Variants in ERAP1 observed in about 807,000 individuals in gnomAD.
ERAP1 encodes the protein endoplasmic reticulum aminopeptidase 1, also known as adipocyte-derived leucine aminopeptidase.
Under a neutral mutation model 103.7 loss-of-function variants are expected in ERAP1, and 86 were observed. The observed-to-expected ratio is 0.83, with a 90% CI of 0.70 to 0.99. The LOEUF (loss-of-function observed/expected upper bound fraction) is 0.99. Ranked by LOEUF, ERAP1 falls within the 50% of genes least tolerant of loss-of-function variation. The probability of loss-of-function intolerance (pLI) is 0.00; values close to 1 mark genes in which losing one functional copy is unlikely to be tolerated. For synonymous variants in ERAP1, 398 were observed against 402.4 expected (o/e 0.99, Z 0.13); for missense variants, 1,009 against 1,128.4 (o/e 0.89, Z 1.52).
downstream of ERAP1, chr5:96,774,179 G>GA (rs146386024): frequency 0.012 from 1,863 of 153,828 alleles, 34 homozygotes; most frequent in African/African-American, 0.043. Flanking sequence ...CTTTTTTTAA[G>GA]AAAAACCTTG....
the ERAP1 span, among the ~76,000 whole-genome samples, chr5:96,828,323 T>C: frequency 2.0e-5 from 3 of 152,252 alleles, no homozygotes; most frequent in South Asian, 2.1e-4. Flanking sequence ...CCAACGTAAA[T>C]GAATTACTAA....
the ERAP1 span, among the ~76,000 whole-genome samples, chr5:96,932,173 A>G: frequency 6.6e-6 from 1 of 152,200 alleles, no homozygotes; most frequent in Non-Finnish European, 1.5e-5. Context: ...GTATGCTACA[A>G]ATGGGTTACA....
At chr5:96,865,980 T>C in the ERAP1 span, among the ~76,000 whole-genome samples, 1 of 152,250 alleles carries the variant, frequency 6.6e-6, no homozygotes, top group Admixed American at 6.5e-5. Context: ...GTATGTTCTA[T>C]ACAAGATCGC....
At chr5:96,763,666 AT>A (rs1409026306) in intron 19 of ERAP1, among the ~76,000 whole-genome samples, 1 of 152,232 alleles carries the variant, frequency 6.6e-6, no homozygotes, top group Non-Finnish European at 1.5e-5. Context: ...TTAGATAAAA[AT>A]ATTAGGAAAT....
intron 19 of ERAP1, chr5:96,767,880 T>A: frequency 6.7e-7 from 1 of 1,490,710 alleles, no homozygotes. Flanking sequence ...GCTTCTTCAC[T>A]GATGGTTATT....
chr5:96,762,350 G>C lies in ERAP1; in HGVS notation c.*850C>G, dbSNP rs780797475. ...ACCCCAGCTTCAACGACCCAAGCTG[G>C]AGCCCCACCCCGTGATACCTCGGTA... is the stretch of plus-strand genomic sequence containing the variant. On this transcript the variant is annotated 3_prime_UTR_variant, in exon 20 of 20. Transcript: ENST00000296754. The C allele has an allele frequency of 2.5e-6, 4 of 1,603,190 alleles. No homozygotes were observed. The African/African-American group carries it at 5.4e-5, about 22-fold the overall frequency.
intron 8 of ERAP1, among the ~76,000 whole-genome samples, 173 bp from the exon 9 acceptor site, chr5:96,790,816 CA>C (rs1776649278): frequency 1.3e-5 from 2 of 152,290 alleles, no homozygotes; most frequent in South Asian, 4.1e-4. Context: ...CCTGTTTAGG[CA>C]GGAGATTTGT....
chr5:96,762,606 A>G (rs946587286), exon 20 of ERAP1: 2 of 422,066 alleles, frequency 4.7e-6, no homozygotes, highest in Non-Finnish European at 8.4e-6. Flanking sequence ...AAGGACCTTA[A>G]TATTATTGTT....
At chr5:96,764,535 C>CT (rs1769136782) in intron 19 of ERAP1, among the ~76,000 whole-genome samples, 1 of 152,196 alleles carries the variant, frequency 6.6e-6, no homozygotes, top group Non-Finnish European at 1.5e-5. Context: ...TCTCTGAAGT[C>CT]TTTCAGGGCA....
At chr5:96,844,954 G>A in the ERAP1 span, among the ~76,000 whole-genome samples, 1 of 152,296 alleles carries the variant, frequency 6.6e-6, no homozygotes, top group East Asian at 1.9e-4. Flanking sequence ...AACAAATTGG[G>A]TGAGAAAAAT....
Position 96,793,469 on chromosome 5 carries a change from C to T in ERAP1, c.1119G>A (p.Trp373Ter). The T allele has an allele frequency of 6.2e-7, 1 of 1,613,898 alleles. No homozygotes were observed. The highest frequency in any genetic ancestry group is 8.5e-7 in the Non-Finnish European group (1 of 1,179,892). The change falls in exon 7 of 19, where the codon TGG becomes TGA. Residue 373 changes from tryptophan to a stop codon, truncating the protein, a stop_gained. Coordinates refer to ENST00000443439, the MANE Select transcript of ERAP1 (RefSeq NM_001040458.3). LOFTEE classifies it high-confidence loss of function. ...TAAATTTGGCAAATCCTTCATTTAGCCAAAGATCATTCCACCATTCCATAG... is the reference window on the plus strand; with the variant it reads ...TAAATTTGGCAAATCCTTCATTTAGTCAAAGATCATTCCACCATTCCATAG... ...LVTMEWWNDL[W>*]LNEGFAKFME...
rs59338324 is a variant in ERAP1, at chr5:96,765,327, TAAAAAAA to T, written c.2819-2106_2819-2100del. 1,983 of 510,242 alleles carry T rather than the reference TAAAAAAA, an allele frequency of 3.9e-3. 1 individual carries two copies. The highest frequency in any genetic ancestry group is 6.1e-3 in the Admixed American group (137 of 22,640). 31.6% of individuals were successfully genotyped at this position (510,242 alleles called of 1,614,324 possible). A position where few individuals can be genotyped will look rare whatever the true frequency, so the allele number is the denominator to read the frequency against. On this transcript the variant is annotated intron_variant, in intron 19 of 19. Transcript: ENST00000296754. ...AAACCAATGGAAGATAAAGTAAAGGTAAAAAAAAAAAAAAAAAAAAAAAAAATTCACT... is the reference window on the plus strand; with the variant it reads ...AAACCAATGGAAGATAAAGTAAAGGTAAAAAAAAAAAAAAAAAAATTCACT...
At chr5:96,909,470 GAA>G in the ERAP1 span, 2 of 819,252 alleles carry the variant, frequency 2.4e-6, no homozygotes, top group Non-Finnish European at 4.0e-6. Context: ...ACTGTTTGGG[GAA>G]AGATTGGGAA....
chr5:96,775,441 A>AAATC lies in ERAP1; in HGVS notation c.*951_*954dup, dbSNP rs948457991. On this transcript the variant is annotated 3_prime_UTR_variant, in exon 19 of 19. Transcript: ENST00000443439. ...CAAATAAGAAGCAGAGAGAGAAAAA[A>AAATC]AATCACCTCCCTAAGAAAAGGGTTT... 1 of 985,484 alleles carries AAATC rather than the reference A, an allele frequency of 1.0e-6. No homozygotes were observed. Among genetic ancestry groups the AAATC allele is most frequent in the African/African-American group, 1.7e-5 (1 of 57,256 alleles). 61.0% of individuals were successfully genotyped at this position (985,484 alleles called of 1,614,324 possible).
chr5:96,865,262 T>C, the ERAP1 span, among the ~76,000 whole-genome samples: 2 of 152,176 alleles, frequency 1.3e-5, no homozygotes, highest in African/African-American at 2.4e-5. Context: ...CTGCAACTTA[T>C]AGAAAAAATG....
rs551862991 is a variant in ERAP1 at position 96,803,548 on chromosome 5, G to C, written c.379C>G (p.Arg127Gly). The C allele has an allele frequency of 1.5e-5, 24 of 1,612,462 alleles. No individual in the cohort carries two copies. The highest frequency in any genetic ancestry group is 1.9e-5 in the Non-Finnish European group (22 of 1,179,274). ...GCCAGCAGTGCAATTTGCTCCTGAC[G>C]GGGGTGTTCCAGGACCTGCAGGGGT... ...EEPLQVLEHP[R>G]QEQIALLAPE... is the part of the protein sequence containing the mutation. The change falls in exon 2 of 19, where the codon CGT (arginine) becomes GGT (glycine). Residue 127 changes from arginine to glycine, a missense_variant. By Grantham distance (125) the Arg-to-Gly change is moderately radical. Coordinates refer to ENST00000443439, the MANE Select transcript of ERAP1 (RefSeq NM_001040458.3).
At chr5:96,879,678 T>C in the ERAP1 span, 21 of 1,610,902 alleles carry the variant, frequency 1.3e-5, no homozygotes, top group Middle Eastern at 1.6e-4. Flanking sequence ...TTCTAGAGAA[T>C]AGATTTCATG....
At chr5:96,900,414 C>G in the ERAP1 span, among the ~76,000 whole-genome samples, 2 of 152,156 alleles carry the variant, frequency 1.3e-5, no homozygotes, top group Non-Finnish European at 2.9e-5. Flanking sequence ...TTTCCCACAA[C>G]CCCACTGCTA....
chr5:96,841,067 G>C, the ERAP1 span, among the ~76,000 whole-genome samples: 1 of 152,130 alleles, frequency 6.6e-6, no homozygotes, highest in Admixed American at 6.5e-5. Flanking sequence ...ATGACCACTG[G>C]GGTAGCTGAA....
Sources: gnomAD v4.1 joint callset for allele counts (sites outside exome capture counted in the v4.1 genomes callset) on GRCh38, gnomAD v4.1.1 for gene constraint, MANE v1.5 for transcripts, NCBI Gene and HGNC (gene_info 2026-07-23, HGNC 2026-07-21) for gene names.